CNTNAP2: variants seen among roughly 807,000 people sequenced by gnomAD.
The protein encoded by CNTNAP2 is contactin associated protein 2, also known as contactin-associated protein-like 2.
CNTNAP2 carries 98 observed loss-of-function variants against 155.2 expected under a neutral mutation model. The ratio of observed to expected loss-of-function variants is 0.63; its 90% CI spans 0.54 to 0.75. CNTNAP2 has a LOEUF of 0.75. Among genes scored for constraint, CNTNAP2 ranks in the 30% least tolerant of loss-of-function variants. The pLI is 0.00. For synonymous variants in CNTNAP2, 651 were observed against 631.2 expected, an observed-to-expected ratio of 1.03 and a Z score of -0.47; for missense variants, 1,727 against 1,688.1, an observed-to-expected ratio of 1.02 and a Z score of -0.40.
chr7:146,863,493 T>G (rs1233823797), intron 3 of CNTNAP2, among the ~76,000 whole-genome samples: 3 of 152,080 alleles, frequency 2.0e-5, no homozygotes, highest in Non-Finnish European at 4.4e-5. Context: ...ACAGTTAACT[T>G]GTAAAATGAG....
chr7:147,753,201 C>T (rs993201607), intron 13 of CNTNAP2, among the ~76,000 whole-genome samples: 1 of 152,186 alleles, frequency 6.6e-6, no homozygotes, highest in African/African-American at 2.4e-5. Context: ...GAGAAGAAGA[C>T]TGGCATAATC....
chr7:147,414,896 C>T (rs1183834149), intron 10 of CNTNAP2, among the ~76,000 whole-genome samples: 1 of 140,320 alleles, frequency 7.1e-6, no homozygotes, highest in South Asian at 2.3e-4. Context: ...GAGCCGAGAT[C>T]GCGCCACTGC....
chr7:148,205,991 A>G (rs10254469), intron 18 of CNTNAP2, among the ~76,000 whole-genome samples: 62,550 of 151,514 alleles, frequency 0.41, 14,170 homozygotes, highest in Non-Finnish European at 0.51. Context: ...GACTTTCTAC[A>G]TGAAAAAAAT....
chr7:147,902,264 C>A (rs945390866), intron 13 of CNTNAP2, among the ~76,000 whole-genome samples: 2 of 152,072 alleles, frequency 1.3e-5, no homozygotes, highest in Admixed American at 6.6e-5. Flanking sequence ...TATTTTTTAT[C>A]AAATATTTCT....
intron 10 of CNTNAP2, among the ~76,000 whole-genome samples, chr7:147,463,694 G>C (rs146416184): frequency 1.2e-4 from 18 of 152,216 alleles, no homozygotes; most frequent in Admixed American, 3.3e-4. Context: ...AACCGTATCT[G>C]TCACAAATGG....
At chr7:147,750,767 GGC>G (rs987416750) in intron 13 of CNTNAP2, among the ~76,000 whole-genome samples, 1 of 152,186 alleles carries the variant, frequency 6.6e-6, no homozygotes, top group African/African-American at 2.4e-5. Context: ...GGCTGGGTGC[GGC>G]GGCTCATGCC....
At chr7:147,351,027 CACTT>C (rs751373612) in intron 9 of CNTNAP2, among the ~76,000 whole-genome samples, 7 of 151,684 alleles carry the variant, frequency 4.6e-5, no homozygotes, top group Non-Finnish European at 8.9e-5. Flanking sequence ...TTAATTAGAG[CACTT>C]ACTTAAACCA....
At chr7:146,930,537 A>G (rs10257216) in intron 3 of CNTNAP2, among the ~76,000 whole-genome samples, 55,637 of 152,020 alleles carry the variant, frequency 0.37, 10,713 homozygotes, top group Middle Eastern at 0.43. Context: ...CAACTAACGA[A>G]CAAAATAACC....
chr7:147,304,093 T>A (rs1361862488), intron 9 of CNTNAP2, among the ~76,000 whole-genome samples: 1 of 152,206 alleles, frequency 6.6e-6, no homozygotes, highest in Non-Finnish European at 1.5e-5. Context: ...GCTGGGCCGT[T>A]TCACTCCAGT....
chr7:147,450,273 CA>C (rs1298340106), intron 10 of CNTNAP2, among the ~76,000 whole-genome samples: 3 of 152,170 alleles, frequency 2.0e-5, no homozygotes, highest in African/African-American at 4.8e-5. Flanking sequence ...ATGTGAGATG[CA>C]ATATGAGGAG....
chr7:147,648,720 C>T (rs1420122333), intron 13 of CNTNAP2, among the ~76,000 whole-genome samples: 1 of 152,136 alleles, frequency 6.6e-6, no homozygotes, highest in Non-Finnish European at 1.5e-5. Context: ...ATTCAATTAC[C>T]TCCCACCAGG....
At chr7:146,933,952 A>G (rs1796848300) in intron 3 of CNTNAP2, among the ~76,000 whole-genome samples, 1 of 152,086 alleles carries the variant, frequency 6.6e-6, no homozygotes, top group African/African-American at 2.4e-5. Context: ...CAGGTGCTGG[A>G]GAGGATGTGG....
chr7:147,633,001 A>G (rs889802910), intron 12 of CNTNAP2, among the ~76,000 whole-genome samples: 2 of 152,240 alleles, frequency 1.3e-5, no homozygotes, highest in Non-Finnish European at 2.9e-5. Context: ...ACAATGAGGT[A>G]GAAAAGAAAA....
At chr7:146,558,898 A>G (rs802009) in intron 1 of CNTNAP2, among the ~76,000 whole-genome samples, 128,013 of 152,232 alleles carry the variant, frequency 0.84, 54,184 homozygotes, top group South Asian at 0.91. Context: ...TGTCTACAAG[A>G]TTCATCTCTG....
At chr7:147,457,576 T>G (rs558898678) in intron 10 of CNTNAP2, among the ~76,000 whole-genome samples, 1 of 152,212 alleles carries the variant, frequency 6.6e-6, no homozygotes, top group East Asian at 1.9e-4. Context: ...TTTCCTGTTT[T>G]TCTTATATTC....
chr7:148,156,449 A>G (rs891798371), intron 17 of CNTNAP2, among the ~76,000 whole-genome samples: 2 of 151,866 alleles, frequency 1.3e-5, no homozygotes, highest in African/African-American at 4.8e-5. Flanking sequence ...GCTGGCCATC[A>G]CTTAGTCTCT....
At chr7:147,933,540 G>GATAGATAT (rs1554451582) in intron 14 of CNTNAP2, among the ~76,000 whole-genome samples, 6 of 92,904 alleles carry the variant, frequency 6.5e-5, no homozygotes, top group Non-Finnish European at 1.3e-4. Context: ...TAGATAGATA[G>GATAGATAT]ATATAACAGA....
chr7:146,540,390 C>T (rs1323069739), intron 1 of CNTNAP2, among the ~76,000 whole-genome samples: 1 of 151,976 alleles, frequency 6.6e-6, no homozygotes, highest in African/African-American at 2.4e-5. Context: ...TGGTATCATT[C>T]TCTGCCAGAC....
intron 13 of CNTNAP2, among the ~76,000 whole-genome samples, chr7:147,870,679 T>C (rs1367663441): frequency 6.6e-6 from 1 of 152,148 alleles, no homozygotes; most frequent in East Asian, 1.9e-4. Flanking sequence ...ATTCTTTGCA[T>C]TTTTTTAGTC....
Sources: allele counts gnomAD v4.1 joint callset (sites outside exome capture counted in the v4.1 genomes callset), GRCh38; gene constraint gnomAD v4.1.1; transcripts MANE v1.5; gene names NCBI Gene and HGNC (gene_info 2026-07-23, HGNC 2026-07-21).